Variants in PVT1 observed in about 807,000 individuals in gnomAD.
The protein encoded by PVT1 is CXCR4/PVT1 fusion.
At chr8:127,955,739 T>C (rs902648369) in intron 3 of PVT1, among the ~76,000 whole-genome samples, 6 of 152,076 alleles carry the variant, frequency 3.9e-5, no homozygotes, top group African/African-American at 1.4e-4. Context: ...CGTTCCACCA[T>C]ACCCTGCTAA....
chr8:128,060,344 G>T (rs1401984487), intron 4 of PVT1, among the ~76,000 whole-genome samples: 3 of 152,088 alleles, frequency 2.0e-5, no homozygotes, highest in African/African-American at 7.2e-5. Context: ...TAGTCTCCTA[G>T]GATCACCTGC....
intron 4 of PVT1, among the ~76,000 whole-genome samples, chr8:128,007,264 T>A (rs549246686): frequency 6.6e-6 from 1 of 152,368 alleles, no homozygotes; most frequent in South Asian, 2.1e-4. Context: ...ATTAAATTGC[T>A]AGATTGGGCA....
At chr8:127,935,845 T>C (rs1290966085) in intron 3 of PVT1, among the ~76,000 whole-genome samples, 5 of 152,100 alleles carry the variant, frequency 3.3e-5, no homozygotes, top group Non-Finnish European at 7.4e-5. Context: ...GTAATGACCA[T>C]CCTGGTTAGG....
intron 4 of PVT1, among the ~76,000 whole-genome samples, chr8:128,014,222 TAC>T (rs1219044394): frequency 2.6e-5 from 4 of 152,334 alleles, no homozygotes; most frequent in African/African-American, 9.6e-5. Flanking sequence ...GCACAGTGGA[TAC>T]ACAGAGAGTG....
At chr8:127,817,546 TACACAC>T (rs1554588971) in intron 2 of PVT1, among the ~76,000 whole-genome samples, 6 of 89,936 alleles carry the variant, frequency 6.7e-5, no homozygotes, top group South Asian at 7.5e-4. Flanking sequence ...TATATATATA[TACACAC>T]ACACACACAT....
At chr8:128,051,716 G>A (rs1264486680) in intron 4 of PVT1, among the ~76,000 whole-genome samples, 1 of 151,944 alleles carries the variant, frequency 6.6e-6, no homozygotes, top group Non-Finnish European at 1.5e-5. Context: ...GATCAAGTCT[G>A]CTGCTGAAGT....
In PVT1 at chr8:128,057,248, C is replaced by T. The variant is rs539019073; in HGVS notation, n.913-12912C>T. Among the ~76,000 whole-genome samples the T allele has an allele frequency of 2.6e-5, 4 of 151,550 alleles. No homozygotes were observed. In the South Asian group the frequency reaches 6.4e-4, roughly 24 times the overall value. On this transcript the variant is annotated intron_variant and non_coding_transcript_variant, in intron 4 of 10. Transcript: ENST00000651587. The stretch of plus-strand genomic sequence containing the variant: ...ATTGAGCATTAATACTGTATACAAA[C>T]GTTGCTTTTCTTATTACTTACCATG...
chr8:128,009,334 C>T (rs903075407), intron 4 of PVT1, among the ~76,000 whole-genome samples: 1 of 152,078 alleles, frequency 6.6e-6, no homozygotes, highest in Non-Finnish European at 1.5e-5. Context: ...AAAATATTTG[C>T]TACAAAAAAG....
intron 2 of PVT1, among the ~76,000 whole-genome samples, chr8:127,883,397 C>T (rs1278983346): frequency 6.6e-6 from 1 of 152,032 alleles, no homozygotes; most frequent in South Asian, 2.1e-4. Context: ...GCCTGTTTTT[C>T]GTTTTTCTTC....
intron 3 of PVT1, among the ~76,000 whole-genome samples, chr8:127,953,974 G>T (rs73707146): frequency 6.6e-6 from 1 of 152,136 alleles, no homozygotes; most frequent in Non-Finnish European, 1.5e-5. Flanking sequence ...TGGAGAAAAC[G>T]TGCACAAAAC....
intron 3 of PVT1, among the ~76,000 whole-genome samples, chr8:127,917,220 C>T (rs1815996124): frequency 6.6e-6 from 1 of 152,178 alleles, no homozygotes; most frequent in South Asian, 2.1e-4. Context: ...ACCCATCCAC[C>T]CACCCACATT....
At chr8:128,040,668 G>T (rs1226886913) in intron 4 of PVT1, among the ~76,000 whole-genome samples, 2 of 152,312 alleles carry the variant, frequency 1.3e-5, no homozygotes, top group African/African-American at 4.8e-5. Context: ...AGTCCATGGG[G>T]CCGCACAGCA....
At chr8:128,016,085 C>G (rs926086710) in intron 4 of PVT1, among the ~76,000 whole-genome samples, 1 of 152,120 alleles carries the variant, frequency 6.6e-6, no homozygotes, top group Non-Finnish European at 1.5e-5. Context: ...GGAGATCAGC[C>G]TGGGCAACAT....
At chr8:127,933,491 G>A (rs187749653) in intron 3 of PVT1, among the ~76,000 whole-genome samples, 47 of 152,314 alleles carry the variant, frequency 3.1e-4, no homozygotes, top group African/African-American at 1.1e-3. Flanking sequence ...ACAAACCTGC[G>A]GGTATAGGTG....
At chr8:127,878,746 G>A (rs899406473) in intron 2 of PVT1, among the ~76,000 whole-genome samples, 5 of 152,200 alleles carry the variant, frequency 3.3e-5, no homozygotes, top group African/African-American at 4.8e-5. Context: ...AGTCCTAATG[G>A]ATCTGTAAGA....
intron 4 of PVT1, among the ~76,000 whole-genome samples, chr8:127,990,519 A>G (rs1817020529): frequency 6.6e-6 from 1 of 152,246 alleles, no homozygotes; most frequent in Non-Finnish European, 1.5e-5. Flanking sequence ...TGGAAAGAAT[A>G]AATGACATGA....
intron 2 of PVT1, among the ~76,000 whole-genome samples, chr8:127,813,250 T>C (rs1814621681): frequency 7.0e-6 from 1 of 142,474 alleles, no homozygotes; most frequent in African/African-American, 2.6e-5. Flanking sequence ...AATATACAAA[T>C]ATATATAATA....
chr8:127,973,172 A>C (rs539282637), intron 3 of PVT1, among the ~76,000 whole-genome samples: 1 of 152,364 alleles, frequency 6.6e-6, no homozygotes, highest in South Asian at 2.1e-4. Flanking sequence ...CCAGGATTAC[A>C]GGTGTGGGCC....
intron 3 of PVT1, among the ~76,000 whole-genome samples, chr8:127,936,796 G>A (rs1306829240): frequency 1.3e-5 from 2 of 152,072 alleles, no homozygotes; most frequent in East Asian, 1.9e-4. Flanking sequence ...TAAACTCTTC[G>A]CTGGGAACAT....
Sources: allele counts gnomAD v4.1 joint callset (sites outside exome capture counted in the v4.1 genomes callset), GRCh38; gene constraint gnomAD v4.1.1; transcripts MANE v1.5; gene names NCBI Gene and HGNC (gene_info 2026-07-23, HGNC 2026-07-21).